The following GALNTL6 variants were observed in gnomAD, a reference collection of about 807,000 sequenced individuals.
GALNTL6 encodes the protein polypeptide N-acetylgalactosaminyltransferase like 6.
A neutral mutation model predicts 73.7 loss-of-function variants in GALNTL6; 46 were observed. The observed-to-expected ratio is 0.62, with a 90% CI of 0.49 to 0.80. GALNTL6 has a LOEUF of 0.80. GALNTL6 is among the 30% of genes least tolerant of loss of function. The probability of loss-of-function intolerance (pLI) is 0.00; values close to 1 mark genes in which losing one functional copy is unlikely to be tolerated. For synonymous variants in GALNTL6, 259 were observed against 263.7 expected (o/e 0.98, Z 0.17); for missense variants, 604 against 755.0 (o/e 0.80, Z 2.34).
intron 4 of GALNTL6, among the ~76,000 whole-genome samples, chr4:172,313,672 G>A (rs1361459485): frequency 6.6e-6 from 1 of 152,080 alleles, no homozygotes; most frequent in East Asian, 1.9e-4. Flanking sequence ...TATGAAGAAA[G>A]CATTATTATA....
chr4:172,487,841 G>A (rs975369294), intron 5 of GALNTL6, among the ~76,000 whole-genome samples: 2 of 152,124 alleles, frequency 1.3e-5, no homozygotes, highest in African/African-American at 2.4e-5. Flanking sequence ...CCTGGAAGGT[G>A]TTCATGTCTC....
intron 5 of GALNTL6, among the ~76,000 whole-genome samples, chr4:172,782,970 C>A (rs1359082740): frequency 1.3e-5 from 2 of 151,974 alleles, no homozygotes; most frequent in Admixed American, 6.6e-5. Flanking sequence ...GGACAAAGCC[C>A]AAAATGCACA....
chr4:171,865,694 G>A (rs114237466), intron 2 of GALNTL6, among the ~76,000 whole-genome samples: 1,623 of 152,236 alleles, frequency 0.011, 24 homozygotes, highest in African/African-American at 0.036. Flanking sequence ...TTAAACATTA[G>A]ATGCCAAAAG....
chr4:172,551,592 G>A (rs1202024934), intron 5 of GALNTL6, among the ~76,000 whole-genome samples: 3 of 152,146 alleles, frequency 2.0e-5, no homozygotes, highest in Non-Finnish European at 4.4e-5. Flanking sequence ...AATGGAGGAT[G>A]TGATCAGTAT....
intron 2 of GALNTL6, among the ~76,000 whole-genome samples, chr4:171,944,314 T>TAA (rs1335832525): frequency 6.6e-6 from 1 of 152,052 alleles, no homozygotes; most frequent in Non-Finnish European, 1.5e-5. Flanking sequence ...GTTTATTCCA[T>TAA]AAAAATATTA....
At chr4:172,766,449 G>A (rs920352380) in intron 5 of GALNTL6, among the ~76,000 whole-genome samples, 4 of 152,048 alleles carry the variant, frequency 2.6e-5, no homozygotes, top group African/African-American at 9.7e-5. Context: ...CTTAACAAGT[G>A]TGGCTCTCTG....
chr4:172,428,745 G>T (rs975371169), intron 5 of GALNTL6, among the ~76,000 whole-genome samples: 8 of 152,094 alleles, frequency 5.3e-5, no homozygotes, highest in African/African-American at 1.9e-4. Flanking sequence ...TAGAACCAAA[G>T]AATCAAAATT....
At chr4:172,801,752 A>G (rs1395438150) in intron 5 of GALNTL6, among the ~76,000 whole-genome samples, 1 of 152,152 alleles carries the variant, frequency 6.6e-6, no homozygotes, top group East Asian at 1.9e-4. Flanking sequence ...ATTCAAAGCT[A>G]TCCTGAAAAT....
chr4:172,878,405 C>G (rs1745293254), intron 7 of GALNTL6, among the ~76,000 whole-genome samples: 1 of 151,422 alleles, frequency 6.6e-6, no homozygotes, highest in South Asian at 2.1e-4. Flanking sequence ...AGTTAATTGG[C>G]CAATTAAACA....
chr4:172,062,021 T>C (rs966158043), intron 2 of GALNTL6, among the ~76,000 whole-genome samples: 2 of 148,702 alleles, frequency 1.3e-5, no homozygotes. Context: ...CGATCTTGGC[T>C]CACTGCAACT....
chr4:172,242,075 T>G (rs1737453706), intron 3 of GALNTL6, among the ~76,000 whole-genome samples: 1 of 152,168 alleles, frequency 6.6e-6, no homozygotes, highest in South Asian at 2.1e-4. Context: ...TGAAGAGCTA[T>G]CTAGTCGACA....
chr4:172,936,379 A>C (rs2111333719), intron 9 of GALNTL6, among the ~76,000 whole-genome samples: 1 of 152,312 alleles, frequency 6.6e-6, no homozygotes, highest in South Asian at 2.1e-4. Flanking sequence ...CAAGACAAGG[A>C]TACCCTCTCT....
At chr4:171,866,566 G>A (rs891156061) in intron 2 of GALNTL6, among the ~76,000 whole-genome samples, 1 of 152,070 alleles carries the variant, frequency 6.6e-6, no homozygotes, top group Non-Finnish European at 1.5e-5. Context: ...TTGAAATTAT[G>A]AGATTATAAC....
intron 4 of GALNTL6, among the ~76,000 whole-genome samples, chr4:172,330,462 T>C (rs1196229604): frequency 6.6e-6 from 1 of 152,206 alleles, no homozygotes; most frequent in Admixed American, 6.5e-5. Context: ...GTCTTTGCTT[T>C]CCGTGGGTTG....
intron 5 of GALNTL6, among the ~76,000 whole-genome samples, chr4:172,486,335 G>A (rs1201399632): frequency 2.6e-5 from 4 of 152,084 alleles, no homozygotes; most frequent in Non-Finnish European, 5.9e-5. Flanking sequence ...AAAGTTGTTG[G>A]GTCTCTATTA....
chr4:172,588,552 A>C (rs1008923830), intron 5 of GALNTL6, among the ~76,000 whole-genome samples: 2 of 152,026 alleles, frequency 1.3e-5, no homozygotes, highest in South Asian at 2.1e-4. Context: ...AAAAAGAAAA[A>C]AAAATCCTCC....
intron 3 of GALNTL6, among the ~76,000 whole-genome samples, chr4:172,250,754 T>C (rs1224161968): frequency 6.6e-6 from 1 of 152,176 alleles, no homozygotes; most frequent in African/African-American, 2.4e-5. Context: ...GTCTCAGGTA[T>C]TTCCTCATAG....
chr4:171,828,353 A>T (rs769363116), intron 2 of GALNTL6, among the ~76,000 whole-genome samples: 111 of 152,260 alleles, frequency 7.3e-4, no homozygotes, highest in Non-Finnish European at 1.3e-3. Context: ...ATTTCTGGCC[A>T]TGCTTAGTGT....
intron 8 of GALNTL6, among the ~76,000 whole-genome samples, chr4:172,924,831 T>C (rs1341839866): frequency 6.6e-6 from 1 of 152,088 alleles, no homozygotes; most frequent in African/African-American, 2.4e-5. Context: ...CTGAAGGATT[T>C]TGATAGAGGA....
Sources: gnomAD v4.1 joint callset for allele counts (sites outside exome capture counted in the v4.1 genomes callset) on GRCh38, gnomAD v4.1.1 for gene constraint, MANE v1.5 for transcripts, NCBI Gene and HGNC (gene_info 2026-07-23, HGNC 2026-07-21) for gene names.